Variants in HDAC9 observed in about 807,000 individuals in gnomAD.
HDAC9 encodes histone deacetylase 9.
HDAC9 carries 41 observed loss-of-function variants against 139.4 expected under a neutral mutation model. The observed-to-expected ratio is 0.29, with a 90% CI of 0.23 to 0.38. The LOEUF (loss-of-function observed/expected upper bound fraction) is 0.38, where lower values mean the gene tolerates loss of function less well. HDAC9 is among the 10% of genes least tolerant of loss of function. The pLI is 1.00. For synonymous variants in HDAC9, 517 were observed against 476.2 expected, an observed-to-expected ratio of 1.09 and a Z score of -1.12; for missense variants, 1,147 against 1,297.0, an observed-to-expected ratio of 0.88 and a Z score of 1.78.
intron 6 of HDAC9, among the ~76,000 whole-genome samples, chr7:18,627,302 G>A (rs143437032): frequency 6.6e-6 from 1 of 152,206 alleles, no homozygotes; most frequent in Non-Finnish European, 1.5e-5. Flanking sequence ...AATCCATTAG[G>A]TTGCATTATA....
chr7:18,286,800 A>G (rs987369125), upstream of HDAC9, among the ~76,000 whole-genome samples: 1 of 152,184 alleles, frequency 6.6e-6, no homozygotes, highest in Non-Finnish European at 1.5e-5. Flanking sequence ...GGTTAACTTT[A>G]TTATTATTGC....
chr7:18,309,351 C>T (rs1585108458), intron 1 of HDAC9, among the ~76,000 whole-genome samples: 1 of 152,210 alleles, frequency 6.6e-6, no homozygotes, highest in African/African-American at 2.4e-5. Context: ...TAGATACTGT[C>T]TCTGATGAAA....
At chr7:18,950,246 G>A (rs1782699389) in intron 23 of HDAC9, among the ~76,000 whole-genome samples, 1 of 151,910 alleles carries the variant, frequency 6.6e-6, no homozygotes, top group African/African-American at 2.4e-5. Context: ...ACTTGCCCTG[G>A]GTCTTTGTTT....
intron 17 of HDAC9, among the ~76,000 whole-genome samples, chr7:18,798,557 T>C (rs1033522058): frequency 6.6e-6 from 1 of 152,162 alleles, no homozygotes; most frequent in Non-Finnish European, 1.5e-5. Flanking sequence ...AGGGAGTGGA[T>C]AATGGAATTG....
chr7:18,672,388 T>C (rs1795723973), intron 12 of HDAC9, among the ~76,000 whole-genome samples: 2 of 152,126 alleles, frequency 1.3e-5, no homozygotes, highest in Admixed American at 6.6e-5. Flanking sequence ...TTGCCCATTT[T>C]CTAGTTGGCT....
intron 2 of HDAC9, among the ~76,000 whole-genome samples, chr7:18,583,664 G>A (rs1470784038): frequency 6.6e-6 from 1 of 152,096 alleles, no homozygotes; most frequent in Non-Finnish European, 1.5e-5. Context: ...TGAGGCAGAA[G>A]GATCCCTTGA....
intron 1 of HDAC9, among the ~76,000 whole-genome samples, chr7:18,431,123 G>A (rs1196229802): frequency 6.6e-6 from 1 of 151,944 alleles, no homozygotes; most frequent in African/African-American, 2.4e-5. Context: ...CACTAAATTG[G>A]CCTTGTGATG....
At chr7:18,406,612 A>G (rs1035742032) in intron 1 of HDAC9, among the ~76,000 whole-genome samples, 2 of 152,006 alleles carry the variant, frequency 1.3e-5, no homozygotes, top group African/African-American at 4.8e-5. Flanking sequence ...GATGGTCTCA[A>G]TCTCCTGACC....
intron 1 of HDAC9, among the ~76,000 whole-genome samples, chr7:18,154,378 A>G (rs545829085): frequency 1.3e-5 from 2 of 152,294 alleles, no homozygotes; most frequent in Admixed American, 1.3e-4. Context: ...GAGAAAGATG[A>G]ATAGTTGTGC....
rs1307548535 is a variant in HDAC9 at position 18,188,103 on chromosome 7, A to G, written c.25+25754A>G. On this transcript the variant is annotated intron_variant, in intron 2 of 12. Transcript: ENST00000417496. Reference sequence around the variant, plus strand: ...ATGCTACCTGATTTCAAACTATACTACAAGTCTACAGTAACCAAAACAGCA... The same window carrying G: ...ATGCTACCTGATTTCAAACTATACTGCAAGTCTACAGTAACCAAAACAGCA... 6.6e-5 allele frequency among the ~76,000 whole-genome samples: 10 copies of G among 152,336 alleles called. No homozygotes were observed. In the South Asian group the frequency reaches 1.2e-3, roughly 19 times the overall value.
intron 21 of HDAC9, among the ~76,000 whole-genome samples, chr7:18,859,280 T>C (rs1173459416): frequency 1.3e-5 from 2 of 152,128 alleles, no homozygotes; most frequent in Non-Finnish European, 2.9e-5. Flanking sequence ...AGAAAAGAGT[T>C]TCCTTGCCTC....
At chr7:18,586,150 A>G (rs1829406061) in intron 3 of HDAC9, among the ~76,000 whole-genome samples, 1 of 152,176 alleles carries the variant, frequency 6.6e-6, no homozygotes, top group Non-Finnish European at 1.5e-5. Flanking sequence ...ATTTGAGACT[A>G]AAGTTGTTTA....
At chr7:18,619,853 A>G (rs920015592) in intron 6 of HDAC9, among the ~76,000 whole-genome samples, 15 of 152,176 alleles carry the variant, frequency 9.9e-5, no homozygotes, top group Admixed American at 2.0e-4. Context: ...TTTCCTCTGC[A>G]TAGAACTGCA....
chr7:18,099,490 T>A (rs937622351), intron 1 of HDAC9, among the ~76,000 whole-genome samples: 4 of 149,536 alleles, frequency 2.7e-5, no homozygotes, highest in African/African-American at 7.3e-5. Flanking sequence ...AAAAAAAAAA[T>A]AAAGTTCATC....
chr7:18,960,491 A>G (rs1783457308), intron 24 of HDAC9, among the ~76,000 whole-genome samples: 1 of 152,122 alleles, frequency 6.6e-6, no homozygotes, highest in African/African-American at 2.4e-5. Context: ...AACAACTGAT[A>G]CTAGAAAAGA....
chr7:18,305,097 A>C (rs1242281260), intron 1 of HDAC9, among the ~76,000 whole-genome samples: 1 of 152,094 alleles, frequency 6.6e-6, no homozygotes, highest in Non-Finnish European at 1.5e-5. Context: ...TGACCCACCA[A>C]TCTGGGTAGC....
intron 7 of HDAC9, among the ~76,000 whole-genome samples, chr7:18,631,563 T>C (rs897286697): frequency 1.3e-5 from 2 of 152,086 alleles, no homozygotes; most frequent in Non-Finnish European, 2.9e-5. Flanking sequence ...TGTTATCCTC[T>C]TACCTCTATG....
At chr7:18,652,156 A>T (rs532037645) in intron 11 of HDAC9, among the ~76,000 whole-genome samples, 1 of 152,130 alleles carries the variant, frequency 6.6e-6, no homozygotes, top group Non-Finnish European at 1.5e-5. Flanking sequence ...ACATTCATTT[A>T]TATCATTTTT....
chr7:18,665,264 TAGC>T (rs1023248395), intron 11 of HDAC9, among the ~76,000 whole-genome samples: 46 of 152,158 alleles, frequency 3.0e-4, no homozygotes, highest in African/African-American at 1.1e-3. Context: ...GCAGAAAACT[TAGC>T]AACTCTTGAA....
Sources: gnomAD v4.1 joint callset for allele counts (sites outside exome capture counted in the v4.1 genomes callset) on GRCh38, gnomAD v4.1.1 for gene constraint, MANE v1.5 for transcripts, NCBI Gene and HGNC (gene_info 2026-07-23, HGNC 2026-07-21) for gene names.